CACNG2: variants seen among roughly 807,000 people sequenced by gnomAD.
CACNG2 encodes the protein voltage-dependent calcium channel gamma-2 subunit.
CACNG2 carries 3 observed loss-of-function variants against 25.9 expected under a neutral mutation model. That is an observed-to-expected ratio of 0.12 (90% CI 0.05 to 0.30). CACNG2 has a LOEUF of 0.30. Among genes scored for constraint, CACNG2 ranks in the 10% least tolerant of loss-of-function variants. CACNG2 has a pLI of 1.00. For missense variants in CACNG2, 341 were observed against 432.5 expected (o/e 0.79, Z 1.88); for synonymous variants, 167 against 173.3 (o/e 0.96, Z 0.29).
intron 1 of CACNG2, among the ~76,000 whole-genome samples, chr22:36,608,572 C>T (rs1248335105): frequency 6.6e-6 from 1 of 152,188 alleles, no homozygotes; most frequent in Non-Finnish European, 1.5e-5. Context: ...ATTAATGAGC[C>T]TGTTCTACAG....
At chr22:36,569,977 G>C (rs931644676) in intron 2 of CACNG2, among the ~76,000 whole-genome samples, 1 of 152,240 alleles carries the variant, frequency 6.6e-6, no homozygotes, top group Non-Finnish European at 1.5e-5. Flanking sequence ...GCAGCTCAGA[G>C]GAACAGGCAG....
intron 1 of CACNG2, among the ~76,000 whole-genome samples, chr22:36,601,225 A>G (rs892585074): frequency 4.6e-5 from 7 of 151,800 alleles, no homozygotes; most frequent in Admixed American, 4.6e-4. Flanking sequence ...TTTTTTTGGT[A>G]AAGATTCCAC....
In CACNG2 at chr22:36,586,732, C is replaced by G. The variant is rs987820683; in HGVS notation, c.295+733G>C. ...TTCCAAAGAGATGGCCTGAGAACCT[C>G]GGCTTTGCTGTCCCAGGCCTCAAGG... On this transcript the variant is annotated intron_variant, in intron 2 of 3. Coordinates refer to ENST00000300105, the MANE Select transcript of CACNG2 (RefSeq NM_006078.5). 2.1e-5 allele frequency among the ~76,000 whole-genome samples: 3 copies of G among 145,964 alleles called. No homozygotes were observed. In the East Asian group the frequency reaches 5.9e-4, roughly 29 times the overall value.
intron 1 of CACNG2, among the ~76,000 whole-genome samples, chr22:36,670,069 C>T (rs1484811259): frequency 3.3e-5 from 5 of 152,166 alleles, no homozygotes; most frequent in African/African-American, 2.4e-5. Context: ...TCTCTCTGTG[C>T]CTCAGCCCTG....
intron 1 of CACNG2, among the ~76,000 whole-genome samples, chr22:36,688,319 A>G (rs1182840811): frequency 1.3e-5 from 2 of 152,010 alleles, no homozygotes; most frequent in African/African-American, 4.8e-5. Context: ...TGGAGGTGAG[A>G]GGATCGATTG....
intron 1 of CACNG2, among the ~76,000 whole-genome samples, chr22:36,649,671 G>A (rs765924560): frequency 8.5e-5 from 13 of 152,134 alleles, no homozygotes; most frequent in African/African-American, 2.4e-4. Flanking sequence ...TCATTCCCAC[G>A]TGTCTTGGGA....
chr22:36,700,867 C>A (rs1937402925), intron 1 of CACNG2, among the ~76,000 whole-genome samples: 1 of 152,188 alleles, frequency 6.6e-6, no homozygotes, highest in African/African-American at 2.4e-5. Context: ...TAGACCATCG[C>A]TCAATGAAGT....
At chr22:36,702,233 T>G (rs1272820018) in intron 1 of CACNG2, 133 bp downstream of exon 1, 24 of 639,396 alleles carry the variant, frequency 3.8e-5, no homozygotes, top group Non-Finnish European at 5.3e-5. Flanking sequence ...CAACCAACCT[T>G]GATTGGTGGT....
intron 1 of CACNG2, among the ~76,000 whole-genome samples, chr22:36,603,909 A>G (rs1374616776): frequency 2.6e-5 from 4 of 152,228 alleles, no homozygotes; most frequent in Non-Finnish European, 4.4e-5. Flanking sequence ...CCATGGATCA[A>G]GAAGTAATTT....
intron 1 of CACNG2, among the ~76,000 whole-genome samples, chr22:36,600,527 TA>T (rs1935740162): frequency 6.6e-6 from 1 of 151,190 alleles, no homozygotes. Context: ...AAATAGTCTT[TA>T]AAAAAGCTTG....
chr22:36,582,408 TTC>T lies in CACNG2; in HGVS notation c.295+5055_295+5056del, dbSNP rs765313998. On this transcript the variant is annotated intron_variant, in intron 2 of 3. Transcript: ENST00000300105. The stretch of plus-strand genomic sequence containing the variant: ...CACTTGCTGTTTGCTCTTTCTTTCT[TTC>T]TTTTTTTTTTTTGAGACAGAGTTTT... Among the ~76,000 whole-genome samples, 33 of 147,054 alleles carry T rather than the reference TTC, an allele frequency of 2.2e-4. 1 individual carries two copies. Among genetic ancestry groups the T allele is most frequent in the Admixed American group, 2.7e-4 (4 of 14,982 alleles).
chr22:36,622,955 G>A (rs1250639650), intron 1 of CACNG2, among the ~76,000 whole-genome samples: 3 of 136,330 alleles, frequency 2.2e-5, no homozygotes, highest in Admixed American at 7.5e-5. Flanking sequence ...GCAAAACTCC[G>A]TTTAAAAAAA....
intron 1 of CACNG2, among the ~76,000 whole-genome samples, chr22:36,624,275 C>T (rs1735150861): frequency 6.6e-6 from 1 of 152,208 alleles, no homozygotes; most frequent in African/African-American, 2.4e-5. Context: ...CCTTCCCAGC[C>T]TGCTCCTGGT....
At chr22:36,598,610 A>G (rs1203287576) in intron 1 of CACNG2, among the ~76,000 whole-genome samples, 4 of 151,574 alleles carry the variant, frequency 2.6e-5, no homozygotes, top group Non-Finnish European at 5.9e-5. Flanking sequence ...AAGAGCAAGA[A>G]TCCGTCTAAA....
chr22:36,642,399 T>C lies in CACNG2; in HGVS notation c.212-54851A>G, dbSNP rs1936453391. ...TGCCTAGTAATCTGTCACAAATACC[T>C]AGCAGTGCTGAAGCCTTTGGCTGTG... On this transcript the variant is annotated intron_variant, in intron 1 of 3. Transcript: ENST00000300105. 3.3e-5 allele frequency among the ~76,000 whole-genome samples: 5 copies of C among 152,182 alleles called. No homozygotes were observed. In the South Asian group the frequency reaches 6.2e-4, roughly 19 times the overall value.
intron 1 of CACNG2, among the ~76,000 whole-genome samples, chr22:36,597,905 C>G (rs972700605): frequency 6.6e-6 from 1 of 152,206 alleles, no homozygotes; most frequent in African/African-American, 2.4e-5. Context: ...GTCATATTCT[C>G]TTTGTGTATT....
chr22:36,599,414 T>C (rs940086963), intron 1 of CACNG2, among the ~76,000 whole-genome samples: 1 of 152,114 alleles, frequency 6.6e-6, no homozygotes, highest in Admixed American at 6.5e-5. Flanking sequence ...TTAAGAGTGT[T>C]TGCAGCTGGG....
intron 1 of CACNG2, among the ~76,000 whole-genome samples, chr22:36,655,808 T>C (rs917777382): frequency 6.0e-5 from 9 of 151,060 alleles, no homozygotes; most frequent in Non-Finnish European, 1.2e-4. Flanking sequence ...TTCTTCTTTC[T>C]TTCTTTTTTT....
chr22:36,679,021 C>T (rs1937051991), intron 1 of CACNG2, among the ~76,000 whole-genome samples: 1 of 152,182 alleles, frequency 6.6e-6, no homozygotes, highest in Non-Finnish European at 1.5e-5. Context: ...CAGCCCCTGG[C>T]ATGGCCAGAG....
Sources: allele counts gnomAD v4.1 joint callset (sites outside exome capture counted in the v4.1 genomes callset), GRCh38; gene constraint gnomAD v4.1.1; transcripts MANE v1.5; gene names NCBI Gene and HGNC (gene_info 2026-07-23, HGNC 2026-07-21).